Variants in PPM1H observed in about 807,000 individuals in gnomAD.
The protein encoded by PPM1H is protein phosphatase, Mg2+/Mn2+ dependent 1H, also known as protein phosphatase 1H.
In PPM1H, 27 loss-of-function variants were observed where a neutral mutation model predicts 54.9. That is an observed-to-expected ratio of 0.49 (90% CI 0.36 to 0.68). PPM1H has a LOEUF of 0.68. Among genes scored for constraint, PPM1H ranks in the 30% least tolerant of loss-of-function variants. PPM1H has a pLI of 0.00. For synonymous variants in PPM1H, 305 were observed against 270.8 expected (o/e 1.13, Z -1.24); for missense variants, 596 against 667.8 (o/e 0.89, Z 1.19).
chr12:62,931,797 A>C (rs1267558480), intron 1 of PPM1H, among the ~76,000 whole-genome samples: 1 of 152,214 alleles, frequency 6.6e-6, no homozygotes, highest in South Asian at 2.1e-4. Context: ...AAAACAGTAT[A>C]AGCACTAAAG....
intron 4 of PPM1H, among the ~76,000 whole-genome samples, chr12:62,745,393 A>T (rs1231117145): frequency 2.0e-5 from 3 of 152,068 alleles, no homozygotes; most frequent in Non-Finnish European, 2.9e-5. Context: ...GTATTATTTG[A>T]CTGTTACAGG....
At chr12:62,931,619 G>T (rs1872134378) in intron 1 of PPM1H, among the ~76,000 whole-genome samples, 4 of 152,332 alleles carry the variant, frequency 2.6e-5, no homozygotes, top group Admixed American at 2.6e-4. Context: ...TTAATCTACT[G>T]TAGAGAACGA....
intron 1 of PPM1H, among the ~76,000 whole-genome samples, chr12:62,919,431 G>T (rs548135686): frequency 1.1e-4 from 16 of 151,990 alleles, no homozygotes; most frequent in African/African-American, 3.6e-4. Context: ...ATGTTGCGGG[G>T]TGGGGGCTGG....
rs149403698 is a variant in PPM1H, at chr12:62,798,475, G to A, written c.756+3341C>T. On this transcript the variant is annotated intron_variant, in intron 3 of 9. Coordinates refer to ENST00000228705, the MANE Select transcript of PPM1H (RefSeq NM_020700.2). ...TTTCCAATTTCCATAGTGGATTGGG[G>A]GCCCAGTTTTTATTTTCCTTTCACA... 1.7e-3 allele frequency among the ~76,000 whole-genome samples: 256 copies of A among 152,192 alleles called. 2 individuals are homozygous for A. The highest frequency in any genetic ancestry group is 6.0e-3 in the African/African-American group (249 of 41,526).
chr12:62,848,195 A>T (rs1869045608), intron 1 of PPM1H, among the ~76,000 whole-genome samples: 1 of 152,222 alleles, frequency 6.6e-6, no homozygotes, highest in East Asian at 1.9e-4. Flanking sequence ...ATGAAGTATA[A>T]ATTAATCAGT....
chr12:62,843,255 T>C (rs7304623), intron 1 of PPM1H, among the ~76,000 whole-genome samples: 10,010 of 152,216 alleles, frequency 0.066, 462 homozygotes, highest in South Asian at 0.16. Context: ...AGGTGGAGGA[T>C]GCAGTGAGCC....
chr12:62,855,402 C>T (rs1244131581), intron 1 of PPM1H, among the ~76,000 whole-genome samples: 1 of 152,148 alleles, frequency 6.6e-6, no homozygotes, highest in Admixed American at 6.5e-5. Flanking sequence ...ACTTCAGACA[C>T]ACGCAGAACC....
chr12:62,796,842 C>T (rs980809845), intron 3 of PPM1H, among the ~76,000 whole-genome samples: 1 of 152,166 alleles, frequency 6.6e-6, no homozygotes, highest in Non-Finnish European at 1.5e-5. Context: ...CATTAATACA[C>T]CTGACATCTA....
chr12:62,714,874 C>T (rs1247641338), intron 6 of PPM1H, among the ~76,000 whole-genome samples: 1 of 152,176 alleles, frequency 6.6e-6, no homozygotes, highest in East Asian at 1.9e-4. Context: ...TCTTCTTTGG[C>T]CCTTGCTCTC....
intron 1 of PPM1H, among the ~76,000 whole-genome samples, chr12:62,875,142 T>C (rs1304439967): frequency 1.3e-5 from 2 of 152,246 alleles, no homozygotes; most frequent in Non-Finnish European, 2.9e-5. Context: ...AGAAGTCTTA[T>C]TGTTCCTTGC....
At chr12:62,788,178 T>G in intron 4 of PPM1H, 48 bp downstream of exon 4, 1 of 1,203,400 alleles carries the variant, frequency 8.3e-7, no homozygotes, top group Non-Finnish European at 1.2e-6. Context: ...AATAAAAACA[T>G]CAGAAGGCAT....
At chr12:62,684,789 G>C (rs2076042350) in intron 8 of PPM1H, among the ~76,000 whole-genome samples, 1 of 152,134 alleles carries the variant, frequency 6.6e-6, no homozygotes, top group Non-Finnish European at 1.5e-5. Context: ...GAGGAAGTGG[G>C]TCAGTTATTC....
At chr12:62,907,075 G>T (rs1387236541) in intron 1 of PPM1H, among the ~76,000 whole-genome samples, 1 of 152,116 alleles carries the variant, frequency 6.6e-6, no homozygotes, top group African/African-American at 2.4e-5. Flanking sequence ...CAAATCTTTG[G>T]GTTTATACCT....
chr12:62,788,715 G>A (rs1184967393), intron 3 of PPM1H, among the ~76,000 whole-genome samples: 1 of 152,134 alleles, frequency 6.6e-6, no homozygotes, highest in Non-Finnish European at 1.5e-5. Flanking sequence ...CAAGTACTTG[G>A]ACCTGATCAA....
intron 1 of PPM1H, chr12:62,840,081 G>A (rs1323382719): frequency 8.0e-6 from 1 of 124,868 alleles, no homozygotes; most frequent in Non-Finnish European, 1.6e-5. Context: ...GAGAGAGAGA[G>A]AGAGCGAGAG....
chr12:62,855,411 C>T (rs56190203), intron 1 of PPM1H, among the ~76,000 whole-genome samples: 8,163 of 152,154 alleles, frequency 0.054, 769 homozygotes, highest in African/African-American at 0.19. Flanking sequence ...ACACGCAGAA[C>T]CCAGAGAGGA....
intron 9 of PPM1H, among the ~76,000 whole-genome samples, chr12:62,661,816 C>A (rs61692529): frequency 6.6e-6 from 1 of 152,140 alleles, no homozygotes; most frequent in Non-Finnish European, 1.5e-5. Flanking sequence ...CCTATGGAGT[C>A]GCTCAGATTA....
intron 1 of PPM1H, among the ~76,000 whole-genome samples, chr12:62,862,126 C>G (rs1869623639): frequency 6.6e-6 from 1 of 152,084 alleles, no homozygotes; most frequent in Non-Finnish European, 1.5e-5. Context: ...GAAAATTGTG[C>G]AGAGAGCAAA....
chr12:62,745,255 C>T (rs1256037781), intron 4 of PPM1H, among the ~76,000 whole-genome samples: 1 of 151,932 alleles, frequency 6.6e-6, no homozygotes, highest in Non-Finnish European at 1.5e-5. Context: ...AGAGACGAGG[C>T]CTCACTATGT....
Sources: gnomAD v4.1 joint callset for allele counts (sites outside exome capture counted in the v4.1 genomes callset) on GRCh38, gnomAD v4.1.1 for gene constraint, MANE v1.5 for transcripts, NCBI Gene and HGNC (gene_info 2026-07-23, HGNC 2026-07-21) for gene names.